VPS13A: variants seen among roughly 807,000 people sequenced by gnomAD.
The protein encoded by VPS13A is vacuolar protein sorting 13 homolog A.
VPS13A carries 264 observed loss-of-function variants against 390.9 expected under a neutral mutation model. The ratio of observed to expected loss-of-function variants is 0.68; its 90% CI spans 0.61 to 0.75. VPS13A has a LOEUF of 0.75. Ranked by LOEUF, VPS13A falls within the 30% of genes least tolerant of loss-of-function variation. VPS13A has a pLI of 0.00. For synonymous variants in VPS13A, 1,231 were observed against 1,227.1 expected (o/e 1.00, Z -0.07); for missense variants, 3,409 against 3,733.9 (o/e 0.91, Z 2.27).
At chr9:77,288,656 GAT>G (rs992507240) in intron 31 of VPS13A, among the ~76,000 whole-genome samples, 7 of 152,098 alleles carry the variant, frequency 4.6e-5, no homozygotes, top group African/African-American at 1.7e-4. Flanking sequence ...TAAATTTGTT[GAT>G]GTTTGTTTTA....
At chr9:77,384,781 C>G in intron 68 of VPS13A, 1 of 1,509,224 alleles carries the variant, frequency 6.6e-7, no homozygotes, top group East Asian at 2.5e-5. Context: ...GGAGGTAAAA[C>G]ACATTTTCTT....
chr9:77,272,822 T>A (rs1472119530), intron 23 of VPS13A, among the ~76,000 whole-genome samples: 1 of 152,210 alleles, frequency 6.6e-6, no homozygotes, highest in African/African-American at 2.4e-5. Flanking sequence ...CTTTTATTAT[T>A]ATTTTTTTAA....
intron 14 of VPS13A, among the ~76,000 whole-genome samples, chr9:77,226,217 T>C (rs933455330): frequency 1.3e-5 from 2 of 152,150 alleles, no homozygotes; most frequent in Admixed American, 6.5e-5. Flanking sequence ...AAATATTCAG[T>C]TATGAAGGTA....
In VPS13A at chr9:77,250,176, A is replaced by G; in HGVS notation, c.2117A>G (p.Tyr706Cys). 1 of 1,613,904 alleles carries G rather than the reference A, an allele frequency of 6.2e-7. No homozygotes were observed. The part of the protein sequence containing the change: ...ANLKEIMDRA[Y>C]DSFDIQLTSV... ...CTTAAAGAGATAATGGATAGAGCTT[A>G]TGATTCATTTGATATTCAACTTACA... The change falls in exon 21 of 72, where the codon TAT becomes TGT. Residue 706 changes from tyrosine (Y) to cysteine (C), a missense_variant. Physicochemically the swap from Tyr to Cys is radical, Grantham distance 194. Transcript: ENST00000360280.
At chr9:77,373,050 G>C (rs1400356845) in intron 67 of VPS13A, among the ~76,000 whole-genome samples, 1 of 152,094 alleles carries the variant, frequency 6.6e-6, no homozygotes, top group Non-Finnish European at 1.5e-5. Context: ...CGTGAAAATG[G>C]CCATACTGCC....
chr9:77,250,471 C>T (rs906551457), intron 21 of VPS13A, among the ~76,000 whole-genome samples: 58 of 152,104 alleles, frequency 3.8e-4, no homozygotes, highest in African/African-American at 1.4e-3. Context: ...CTCCTAGCAT[C>T]TAGTGGGTAA....
Position 77,177,716 on chromosome 9 carries a change from G to C in VPS13A, c.12G>C (p.Glu4Asp), listed in dbSNP as rs1237975830. The C allele has an allele frequency of 1.2e-6, 2 of 1,613,374 alleles. No homozygotes were observed. The highest frequency in any genetic ancestry group is 1.3e-5 in the African/African-American group (1 of 74,908). MVFESVVVDVLNRF... is the reference protein window; with the variant it reads MVFDSVVVDVLNRF... The stretch of plus-strand genomic sequence containing the variant: ...CACGGCTGAGGAACATGGTTTTCGA[G>C]TCGGTGGTCGTGGACGTGTTGAACC... The change falls in exon 1 of 72, where the codon GAG (glutamate) becomes GAC (aspartate). Residue 4 changes from glutamate (E) to aspartate (D), a missense_variant. Coordinates refer to ENST00000360280, the MANE Select transcript of VPS13A (RefSeq NM_033305.3).
At chr9:77,216,917 G>C (rs559629509) in intron 10 of VPS13A, among the ~76,000 whole-genome samples, 1 of 152,274 alleles carries the variant, frequency 6.6e-6, no homozygotes, top group South Asian at 2.1e-4. Context: ...GTCTTTCCAT[G>C]TTCATCTGCC....
At chr9:77,300,782 A>G (rs1420343266) in intron 33 of VPS13A, among the ~76,000 whole-genome samples, 2 of 152,248 alleles carry the variant, frequency 1.3e-5, no homozygotes. Context: ...CTTCTTAGAA[A>G]GTGCATAAAG....
At chr9:77,382,425 T>A (rs148227167) in intron 68 of VPS13A, 7 of 1,417,404 alleles carry the variant, frequency 4.9e-6, no homozygotes, top group Non-Finnish European at 5.5e-6. Flanking sequence ...TAACTTTTAA[T>A]AGGAATTTTA....
At chr9:77,345,602 T>C (rs945504926) in intron 52 of VPS13A, among the ~76,000 whole-genome samples, 47 of 152,340 alleles carry the variant, frequency 3.1e-4, no homozygotes, top group African/African-American at 1.1e-3. Flanking sequence ...AGGACTACTC[T>C]TCAACATTAT....
In VPS13A at chr9:77,247,377, G is replaced by A. The variant is rs1335894285; in HGVS notation, c.2019G>A (p.Leu673=). The part of the protein sequence containing the change: ...IFSPTSNLLL[L]DLGHLKVTSK... ...GTCCTACATCAAATCTGCTTCTTTTGGACCTTGGTCATCTAAAGGTATATA... is the reference window on the plus strand; with the variant it reads ...GTCCTACATCAAATCTGCTTCTTTTAGACCTTGGTCATCTAAAGGTATATA... Residue 673 remains leucine, a synonymous_variant, in exon 20 of 72, where the codon TTG becomes TTA. Transcript: ENST00000360280. 6.2e-7 allele frequency: 1 copy of A among 1,611,798 alleles called. No homozygotes were observed. The highest frequency in any genetic ancestry group is 1.3e-5 in the African/African-American group (1 of 74,764).
intron 45 of VPS13A, among the ~76,000 whole-genome samples, chr9:77,328,689 G>T (rs1227307631): frequency 6.6e-6 from 1 of 152,150 alleles, no homozygotes; most frequent in Admixed American, 6.5e-5. Flanking sequence ...TAAACCTCGT[G>T]AACAAACGTC....
In VPS13A at chr9:77,356,776, A is replaced by G. The variant is rs202148808; in HGVS notation, c.7715A>G (p.Lys2572Arg). The part of the protein sequence containing the change: ...KKARWKPMSV[K>R]HTEKLEREFK... ...GCAAGATGGAAGCCAATGAGTGTAA[A>G]GCACACTGAGAAGTTAGAGAGAGAA... The change falls in exon 55 of 72, where the codon AAG (lysine) becomes AGG (arginine). Residue 2572 changes from lysine to arginine, a missense_variant. Coordinates refer to ENST00000360280, the MANE Select transcript of VPS13A (RefSeq NM_033305.3). The G allele has an allele frequency of 4.8e-5, 78 of 1,613,758 alleles. 1 individual carries two copies. The highest frequency in any genetic ancestry group is 6.3e-5 in the Non-Finnish European group (74 of 1,179,906).
At chr9:77,347,999 A>G (rs964297718) in intron 52 of VPS13A, among the ~76,000 whole-genome samples, 10 of 152,166 alleles carry the variant, frequency 6.6e-5, no homozygotes, top group Admixed American at 2.0e-4. Flanking sequence ...CTGTGGAGAA[A>G]TAGGAACGCT....
At chr9:77,314,744 C>A in intron 37 of VPS13A, 80 bp downstream of exon 37, 2 of 1,421,316 alleles carry the variant, frequency 1.4e-6, no homozygotes, top group Non-Finnish European at 2.0e-6. Flanking sequence ...CAGAATTGCA[C>A]GTTCATTTTC....
chr9:77,252,491 G>A, intron 22 of VPS13A, 139 bp downstream of exon 22: 1 of 811,294 alleles, frequency 1.2e-6, no homozygotes, highest in South Asian at 1.4e-5. Context: ...GTGGTAAAAT[G>A]TATATAAAAT....
At chr9:77,252,436 T>C in intron 22 of VPS13A, 84 bp downstream of exon 22, 1 of 1,094,282 alleles carries the variant, frequency 9.1e-7, no homozygotes, top group South Asian at 1.2e-5. Context: ...TGACTCTTCC[T>C]TGTGTGTGTG....
At chr9:77,305,096 G>A (rs778666199) in intron 34 of VPS13A, among the ~76,000 whole-genome samples, 4 of 151,920 alleles carry the variant, frequency 2.6e-5, no homozygotes, top group South Asian at 4.2e-4. Context: ...CCGCCACCGC[G>A]CCCGGCTAAT....
Sources: gnomAD v4.1 joint callset for allele counts (sites outside exome capture counted in the v4.1 genomes callset) on GRCh38, gnomAD v4.1.1 for gene constraint, MANE v1.5 for transcripts, NCBI Gene and HGNC (gene_info 2026-07-23, HGNC 2026-07-21) for gene names.